Variants in KIAA1328 observed in about 807,000 individuals in gnomAD.
The protein encoded by KIAA1328 is protein hinderin.
KIAA1328 carries 52 observed loss-of-function variants against 68.1 expected under a neutral mutation model. That is an observed-to-expected ratio of 0.76 (90% CI 0.61 to 0.96). The LOEUF (loss-of-function observed/expected upper bound fraction) is 0.96. Among genes scored for constraint, KIAA1328 ranks in the 40% least tolerant of loss-of-function variants. The pLI is 0.00. For synonymous variants in KIAA1328, 232 were observed against 239.4 expected (o/e 0.97, Z 0.28); for missense variants, 641 against 677.6 (o/e 0.95, Z 0.60).
intron 4 of KIAA1328, among the ~76,000 whole-genome samples, chr18:36,845,719 C>A (rs1209946952): frequency 2.6e-4 from 39 of 151,534 alleles, no homozygotes; most frequent in Non-Finnish European, 5.0e-4. Flanking sequence ...GCAGTGCTGG[C>A]ATAAGGATAG....
At chr18:36,927,755 C>T (rs984633906) in intron 5 of KIAA1328, among the ~76,000 whole-genome samples, 1 of 147,588 alleles carries the variant, frequency 6.8e-6, no homozygotes, top group South Asian at 2.1e-4. Flanking sequence ...GAGACCCTGT[C>T]TCAAATAAAG....
At chr18:37,132,932 C>T (rs971514563) in intron 7 of KIAA1328, among the ~76,000 whole-genome samples, 1 of 152,194 alleles carries the variant, frequency 6.6e-6, no homozygotes, top group African/African-American at 2.4e-5. Context: ...AATATTGATA[C>T]ATGCAACAAC....
At chr18:37,001,246 A>G (rs2053575660) in intron 6 of KIAA1328, among the ~76,000 whole-genome samples, 1 of 152,096 alleles carries the variant, frequency 6.6e-6, no homozygotes, top group Non-Finnish European at 1.5e-5. Flanking sequence ...TTTAATAACT[A>G]TATGCTGAAA....
chr18:37,162,860 C>A (rs2059310736), intron 8 of KIAA1328, among the ~76,000 whole-genome samples: 1 of 151,544 alleles, frequency 6.6e-6, no homozygotes, highest in Admixed American at 6.6e-5. Context: ...CACCATTCTG[C>A]CAGCTTTATG....
intron 7 of KIAA1328, among the ~76,000 whole-genome samples, chr18:37,122,690 T>C (rs1474353384): frequency 6.6e-6 from 1 of 152,050 alleles, no homozygotes; most frequent in Non-Finnish European, 1.5e-5. Flanking sequence ...TAAGGGTATT[T>C]CCATGTGGTA....
chr18:37,110,641 C>G (rs915983875), intron 7 of KIAA1328, among the ~76,000 whole-genome samples: 1 of 152,058 alleles, frequency 6.6e-6, no homozygotes, highest in Non-Finnish European at 1.5e-5. Flanking sequence ...CAAACAAACA[C>G]AAAAATTTAA....
intron 7 of KIAA1328, among the ~76,000 whole-genome samples, chr18:37,096,320 A>T (rs1212067766): frequency 6.6e-6 from 1 of 152,274 alleles, no homozygotes; most frequent in East Asian, 1.9e-4. Context: ...GAGTGAGAAC[A>T]TGCAGTGTTT....
At chr18:37,139,063 T>C (rs2058710224) in intron 7 of KIAA1328, among the ~76,000 whole-genome samples, 1 of 148,778 alleles carries the variant, frequency 6.7e-6, no homozygotes, top group African/African-American at 2.5e-5. Context: ...TTCACGCCAT[T>C]CTCCTGCCTC....
At chr18:36,990,537 G>A (rs2053132385) in intron 6 of KIAA1328, among the ~76,000 whole-genome samples, 1 of 151,966 alleles carries the variant, frequency 6.6e-6, no homozygotes, top group African/African-American at 2.4e-5. Context: ...AACTGGGCAT[G>A]GTGACACACA....
chr18:37,020,206 G>A (rs762647933), intron 6 of KIAA1328, among the ~76,000 whole-genome samples: 1 of 151,964 alleles, frequency 6.6e-6, no homozygotes, highest in Non-Finnish European at 1.5e-5. Context: ...TCACTGCAAT[G>A]TCTGCCTCCC....
At chr18:37,075,586 C>T (rs569858548) in intron 7 of KIAA1328, 72 of 152,072 alleles carry the variant, frequency 4.7e-4, no homozygotes, top group African/African-American at 1.7e-3. Flanking sequence ...TTCAGGAAAC[C>T]CATCTCACAT....
chr18:36,955,602 C>T (rs1222644215), intron 5 of KIAA1328, among the ~76,000 whole-genome samples: 1 of 152,088 alleles, frequency 6.6e-6, no homozygotes, highest in Non-Finnish European at 1.5e-5. Flanking sequence ...GCCACCGCAC[C>T]TGGCTGCTAT....
At chr18:37,091,502 T>C (rs529149495) in intron 7 of KIAA1328, among the ~76,000 whole-genome samples, 9 of 152,320 alleles carry the variant, frequency 5.9e-5, no homozygotes, top group African/African-American at 2.2e-4. Flanking sequence ...TCAGTTCTTA[T>C]GGGCCTTAAG....
chr18:36,917,922 C>T (rs539572549), intron 5 of KIAA1328, among the ~76,000 whole-genome samples: 1 of 152,306 alleles, frequency 6.6e-6, no homozygotes, highest in Admixed American at 6.5e-5. Context: ...ACCTCCCCTC[C>T]CATTTTTCCT....
At chr18:36,926,383 C>CTATTTATTTATTTATT (rs72299711) in intron 5 of KIAA1328, among the ~76,000 whole-genome samples, 32 of 147,134 alleles carry the variant, frequency 2.2e-4, no homozygotes, top group African/African-American at 7.7e-4. Context: ...CTCTCTCTCT[C>CTATTTATTTATTTATT]TATTTATTTA....
At chr18:36,994,642 ATC>A (rs2053320083) in intron 6 of KIAA1328, among the ~76,000 whole-genome samples, 1 of 152,256 alleles carries the variant, frequency 6.6e-6, no homozygotes, top group South Asian at 2.1e-4. Flanking sequence ...AAAAACTGTG[ATC>A]TGTTTAATTC....
chr18:37,152,980 TCTTTA>T (rs2059070274), intron 7 of KIAA1328, among the ~76,000 whole-genome samples: 1 of 152,144 alleles, frequency 6.6e-6, no homozygotes, highest in East Asian at 1.9e-4. Context: ...GGAGGCTCCA[TCTTTA>T]CTTTTCTTTG....
intron 9 of KIAA1328, among the ~76,000 whole-genome samples, chr18:37,218,389 AGGAGCCCT>A (rs2060488685): frequency 1.3e-5 from 2 of 152,332 alleles, no homozygotes; most frequent in African/African-American, 4.8e-5. Context: ...GGGTTGGGTA[AGGAGCCCT>A]TAATGTCTTG....
chr18:37,077,953 G>C (rs551991053), intron 7 of KIAA1328, among the ~76,000 whole-genome samples: 3 of 152,184 alleles, frequency 2.0e-5, no homozygotes, highest in Admixed American at 2.0e-4. Context: ...ACCAATGACT[G>C]TCTTCACAGA....
Sources: allele counts gnomAD v4.1 joint callset (sites outside exome capture counted in the v4.1 genomes callset), GRCh38; gene constraint gnomAD v4.1.1; transcripts MANE v1.5; gene names NCBI Gene and HGNC (gene_info 2026-07-23, HGNC 2026-07-21).